Variants in AMBRA1 observed in about 807,000 individuals in gnomAD.
AMBRA1 encodes activating molecule in BECN1-regulated autophagy protein 1.
Under a neutral mutation model 125.4 loss-of-function variants are expected in AMBRA1, and 47 were observed. That is an observed-to-expected ratio of 0.37 (90% CI 0.30 to 0.48). AMBRA1 has a LOEUF of 0.48. Ranked by LOEUF, AMBRA1 falls within the 20% of genes least tolerant of loss-of-function variation. The pLI, the probability that AMBRA1 is intolerant of heterozygous loss-of-function variation, is 0.99. For synonymous variants in AMBRA1, 626 were observed against 655.5 expected, an observed-to-expected ratio of 0.95 and a Z score of 0.69; for missense variants, 1,331 against 1,693.4, an observed-to-expected ratio of 0.79 and a Z score of 3.76.
chr11:46,502,288 T>C (rs974666675), intron 9 of AMBRA1, among the ~76,000 whole-genome samples: 24 of 152,100 alleles, frequency 1.6e-4, no homozygotes, highest in African/African-American at 5.1e-4. Context: ...ACTCAATAAA[T>C]GTAGATGGCT....
At chr11:46,489,241 C>G (rs1487489818) in intron 11 of AMBRA1, among the ~76,000 whole-genome samples, 2 of 152,136 alleles carry the variant, frequency 1.3e-5, no homozygotes, top group African/African-American at 2.4e-5. Flanking sequence ...CAACAGGCCC[C>G]GGTGTGTGAT....
At chr11:46,566,604 G>T (rs2043542430) in intron 1 of AMBRA1, among the ~76,000 whole-genome samples, 1 of 152,102 alleles carries the variant, frequency 6.6e-6, no homozygotes, top group South Asian at 2.1e-4. Flanking sequence ...GGGGGGTGAG[G>T]ATTGAGCTAC....
chr11:46,429,129 G>T, intron 14 of AMBRA1: 1 of 1,597,906 alleles, frequency 6.3e-7, no homozygotes, highest in Non-Finnish European at 8.5e-7. Context: ...ATGGCAATCC[G>T]GTTCTTCTTA....
intron 11 of AMBRA1, among the ~76,000 whole-genome samples, chr11:46,468,921 A>C (rs570264183): frequency 6.6e-6 from 1 of 152,254 alleles, no homozygotes; most frequent in South Asian, 2.1e-4. Context: ...AGGCAGGTGG[A>C]TCACCTGAAG....
intron 1 of AMBRA1, among the ~76,000 whole-genome samples, chr11:46,565,777 A>AT (rs201940168): frequency 1.1e-4 from 17 of 150,084 alleles, no homozygotes; most frequent in South Asian, 6.4e-4. Flanking sequence ...AAAAATTCAG[A>AT]TTTTTTTTTT....
intron 11 of AMBRA1, among the ~76,000 whole-genome samples, chr11:46,468,128 G>A (rs548237153): frequency 2.2e-4 from 33 of 152,248 alleles, no homozygotes; most frequent in Admixed American, 3.3e-4. Context: ...ATGAAGAAAT[G>A]GCCAAACAAC....
chr11:46,539,545 G>T (rs533340869), intron 7 of AMBRA1, among the ~76,000 whole-genome samples: 2 of 151,982 alleles, frequency 1.3e-5, no homozygotes, highest in Non-Finnish European at 1.5e-5. Context: ...CAACAAGAGC[G>T]AAACTCCATC....
intron 2 of AMBRA1, 95 bp downstream of exon 2, chr11:46,548,151 A>T (rs2042884140): frequency 1.9e-6 from 3 of 1,541,184 alleles, no homozygotes. Context: ...CACACAAGAT[A>T]AATATATCCC....
chr11:46,527,501 A>AAAAAAAAAAAAAAAAAAAAC (rs1952029474), intron 7 of AMBRA1, among the ~76,000 whole-genome samples: 1 of 150,180 alleles, frequency 6.7e-6, no homozygotes, highest in African/African-American at 2.4e-5. Flanking sequence ...AAAAAAAAAA[A>AAAAAAAAAAAAAAAAAAAAC]AAAGGCAACC....
intron 12 of AMBRA1, 82 bp downstream of exon 12, chr11:46,443,406 C>T: frequency 9.2e-7 from 1 of 1,087,146 alleles, no homozygotes; most frequent in Non-Finnish European, 1.4e-6. Context: ...GATGAAAAAC[C>T]CAGTGCTCCA....
At chr11:46,559,835 T>C (rs2043273911) in intron 1 of AMBRA1, among the ~76,000 whole-genome samples, 1 of 152,194 alleles carries the variant, frequency 6.6e-6, no homozygotes, top group South Asian at 2.1e-4. Flanking sequence ...TCCTCCAATA[T>C]GTAAACTGAA....
chr11:46,440,033 C>G (rs1191475451), intron 12 of AMBRA1, among the ~76,000 whole-genome samples: 1 of 151,890 alleles, frequency 6.6e-6, no homozygotes, highest in Non-Finnish European at 1.5e-5. Flanking sequence ...TAATTTGGCA[C>G]GAGCTGTATA....
At chr11:46,425,062 C>A (rs1023398095) in intron 14 of AMBRA1, among the ~76,000 whole-genome samples, 4 of 152,024 alleles carry the variant, frequency 2.6e-5, no homozygotes, top group East Asian at 1.9e-4. Context: ...TGAACCCGGG[C>A]GGCAGAGGTT....
chr11:46,511,953 C>T (rs1042799601), intron 8 of AMBRA1, among the ~76,000 whole-genome samples: 3 of 152,300 alleles, frequency 2.0e-5, no homozygotes, highest in Admixed American at 2.0e-4. Context: ...CTTCCTAGTT[C>T]AAGTGATTCT....
intron 7 of AMBRA1, among the ~76,000 whole-genome samples, chr11:46,531,745 ACT>A (rs1952225933): frequency 6.7e-6 from 1 of 150,372 alleles, no homozygotes; most frequent in African/African-American, 2.5e-5. Flanking sequence ...TCCCTCCTTC[ACT>A]CTATCCTCAT....
chr11:46,504,932 G>A (rs1264449256), intron 9 of AMBRA1, among the ~76,000 whole-genome samples: 1 of 152,168 alleles, frequency 6.6e-6, no homozygotes, highest in South Asian at 2.1e-4. Flanking sequence ...TCTGAGTAAT[G>A]GCTCCCTTGG....
intron 4 of AMBRA1, 55 bp downstream of exon 4, chr11:46,547,058 C>CAA (rs545025314): frequency 2.5e-4 from 277 of 1,101,064 alleles, no homozygotes; most frequent in South Asian, 4.3e-4. Flanking sequence ...GACTCCGTCT[C>CAA]AAAAAAAAAA....
intron 5 of AMBRA1, among the ~76,000 whole-genome samples, chr11:46,545,172 GGGT>G (rs1476025551): frequency 3.6e-4 from 50 of 138,700 alleles, no homozygotes; most frequent in African/African-American, 1.3e-3. Flanking sequence ...GGGGGGGGGG[GGGT>G]GGTGGTGGGC....
intron 11 of AMBRA1, among the ~76,000 whole-genome samples, chr11:46,492,099 A>G (rs1950483068): frequency 6.6e-6 from 1 of 152,200 alleles, no homozygotes; most frequent in Non-Finnish European, 1.5e-5. Flanking sequence ...TAAGCCACAC[A>G]GAAGTGCCAG....
Sources: allele counts gnomAD v4.1 joint callset (sites outside exome capture counted in the v4.1 genomes callset), GRCh38; gene constraint gnomAD v4.1.1; transcripts MANE v1.5; gene names NCBI Gene and HGNC (gene_info 2026-07-23, HGNC 2026-07-21).